The following YPEL2 variants were observed in gnomAD, a reference collection of about 807,000 sequenced individuals.
YPEL2 encodes the protein protein yippee-like 2.
A neutral mutation model predicts 19.1 loss-of-function variants in YPEL2; 2 were observed. The ratio of observed to expected loss-of-function variants is 0.10; its 90% CI spans 0.04 to 0.33. YPEL2 has a LOEUF of 0.33. Among genes scored for constraint, YPEL2 ranks in the 10% least tolerant of loss-of-function variants. YPEL2 has a pLI of 1.00. For missense variants in YPEL2, 66 were observed against 140.7 expected (o/e 0.47, Z 2.68); for synonymous variants, 52 against 50.0 (o/e 1.04, Z -0.17).
At chr17:59,332,207 T>A (rs958798143) in intron 1 of YPEL2, among the ~76,000 whole-genome samples, 1 of 151,958 alleles carries the variant, frequency 6.6e-6, no homozygotes, top group Admixed American at 6.5e-5. Flanking sequence ...GGGTTCGGAC[T>A]CCATGGGGTC....
At chr17:59,368,077 A>G (rs1464988941) in intron 2 of YPEL2, among the ~76,000 whole-genome samples, 1 of 152,106 alleles carries the variant, frequency 6.6e-6, no homozygotes, top group Non-Finnish European at 1.5e-5. Flanking sequence ...AAATACAGAA[A>G]TGGATGAAAT....
chr17:59,391,617 G>T (rs777066223), intron 4 of YPEL2, among the ~76,000 whole-genome samples: 8 of 152,020 alleles, frequency 5.3e-5, no homozygotes, highest in African/African-American at 1.2e-4. Flanking sequence ...CAAAAATGGG[G>T]CCAGGCGTAA....
chr17:59,401,479 A>G lies in YPEL2; in HGVS notation c.*4289A>G, dbSNP rs777543941. The G allele has an allele frequency of 4.6e-5, 7 of 152,714 alleles. No homozygotes were observed. Among genetic ancestry groups the G allele is most frequent in the African/African-American group, 7.2e-5 (3 of 41,556 alleles). The allele number at this position is 152,714 out of a possible 1,614,324, so 9.5% of individuals were successfully genotyped here. ...CCCAACCTGCAGAGACTATCTTCCAATACAGAATCTGTCTATTTATGCTTG... is the reference window on the plus strand; with the variant it reads ...CCCAACCTGCAGAGACTATCTTCCAGTACAGAATCTGTCTATTTATGCTTG... On this transcript the variant is annotated 3_prime_UTR_variant, in exon 5 of 5. Coordinates refer to ENST00000312655, the MANE Select transcript of YPEL2 (RefSeq NM_001005404.4).
chr17:59,341,938 A>T (rs1459924782), intron 1 of YPEL2, among the ~76,000 whole-genome samples: 1 of 152,090 alleles, frequency 6.6e-6, no homozygotes, highest in African/African-American at 2.4e-5. Flanking sequence ...GAACAAAATA[A>T]CTTCCAACTT....
chr17:59,365,413 T>A (rs994094799), intron 2 of YPEL2, among the ~76,000 whole-genome samples: 1 of 152,126 alleles, frequency 6.6e-6, no homozygotes, highest in Non-Finnish European at 1.5e-5. Context: ...CCTGCCTCCT[T>A]CCCTTTTAGT....
chr17:59,338,314 C>A (rs915950223), intron 1 of YPEL2, among the ~76,000 whole-genome samples: 2 of 152,148 alleles, frequency 1.3e-5, no homozygotes, highest in African/African-American at 4.8e-5. Flanking sequence ...GAATGGTGAC[C>A]AAGTTCAGTT....
chr17:59,395,922 CA>C (rs1338543062), intron 4 of YPEL2, among the ~76,000 whole-genome samples: 8 of 151,796 alleles, frequency 5.3e-5, no homozygotes, highest in Admixed American at 3.3e-4. Context: ...ACTGAAAATA[CA>C]AAAAAAATTT....
At chr17:59,387,301 G>T (rs1430624783) in intron 2 of YPEL2, among the ~76,000 whole-genome samples, 2 of 151,246 alleles carry the variant, frequency 1.3e-5, no homozygotes, top group Non-Finnish European at 2.9e-5. Flanking sequence ...TTTCACACTG[G>T]CTGGCAGCAC....
At chr17:59,342,760 T>C (rs1191529147) in intron 1 of YPEL2, among the ~76,000 whole-genome samples, 4 of 152,242 alleles carry the variant, frequency 2.6e-5, no homozygotes, top group African/African-American at 9.6e-5. Flanking sequence ...GGTTGAGGGA[T>C]CCCTTGCCTT....
At chr17:59,380,619 T>G (rs1316357361) in intron 2 of YPEL2, among the ~76,000 whole-genome samples, 3 of 152,226 alleles carry the variant, frequency 2.0e-5, no homozygotes, top group African/African-American at 4.8e-5. Context: ...TATTTTATTA[T>G]GCCTGTTTTA....
chr17:59,401,497 T>C lies in YPEL2; in HGVS notation c.*4307T>C, dbSNP rs2048071035. The C allele has an allele frequency of 6.6e-6, 1 of 152,644 alleles. No homozygotes were observed. The highest frequency in any genetic ancestry group is 1.5e-5 in the Non-Finnish European group (1 of 68,038). 9.5% of individuals were successfully genotyped at this position (152,644 alleles called of 1,614,324 possible). A position where few individuals can be genotyped will look rare whatever the true frequency, so the allele number is the denominator to read the frequency against. On this transcript the variant is annotated 3_prime_UTR_variant, in exon 5 of 5. Transcript: ENST00000312655. ...TCTTCCAATACAGAATCTGTCTATT[T>C]ATGCTTGTGTTTACAAACTGTATTT...
chr17:59,385,697 T>G (rs895019262), intron 2 of YPEL2, among the ~76,000 whole-genome samples: 1 of 152,098 alleles, frequency 6.6e-6, no homozygotes, highest in Non-Finnish European at 1.5e-5. Flanking sequence ...GATGTTTGGG[T>G]GTCATGGGTA....
chr17:59,383,396 AG>A (rs1320243208), intron 2 of YPEL2, among the ~76,000 whole-genome samples: 1 of 150,440 alleles, frequency 6.6e-6, no homozygotes, highest in Non-Finnish European at 1.5e-5. Context: ...CAGGAGATTG[AG>A]ACCATCCTGG....
intron 2 of YPEL2, among the ~76,000 whole-genome samples, chr17:59,374,237 A>T (rs2047909833): frequency 6.6e-6 from 1 of 152,204 alleles, no homozygotes; most frequent in Non-Finnish European, 1.5e-5. Context: ...TAGAGGGAAT[A>T]CCAAGAAGCA....
rs554106140 is a variant in YPEL2, at chr17:59,374,037, G to A, written c.118-14290G>A. ...AGGCATCTATTCTCTTGAGAATATG[G>A]ACTCACAGAATGTTCACCCTTGTAA... On this transcript the variant is annotated intron_variant, in intron 2 of 4. Coordinates refer to ENST00000312655, the MANE Select transcript of YPEL2 (RefSeq NM_001005404.4). 2.0e-5 allele frequency among the ~76,000 whole-genome samples: 3 copies of A among 152,256 alleles called. No individual in the cohort carries two copies. In the East Asian group the frequency reaches 5.8e-4, roughly 29 times the overall value.
In YPEL2 at chr17:59,393,778, C is replaced by T. The variant is rs1360460071; in HGVS notation, c.271-3323C>T. ...AGCACATCTTGCACCGCCCTTAATCCATTTAACCCTGAGTGGACACAGCAC... is the reference window on the plus strand; with the variant it reads ...AGCACATCTTGCACCGCCCTTAATCTATTTAACCCTGAGTGGACACAGCAC... On this transcript the variant is annotated intron_variant, in intron 4 of 4. Transcript: ENST00000312655. Among the ~76,000 whole-genome samples the T allele has an allele frequency of 3.3e-5, 5 of 149,906 alleles. 1 individual carries two copies. The highest frequency in any genetic ancestry group is 1.2e-4 in the African/African-American group (5 of 40,554).
intron 1 of YPEL2, 117 bp downstream of exon 1, chr17:59,331,941 G>C (rs1434253685): frequency 1.3e-5 from 2 of 151,484 alleles, no homozygotes; most frequent in Admixed American, 1.3e-4. Flanking sequence ...GCCTGCGCGG[G>C]GTTGGGGGTG....
chr17:59,348,626 G>C (rs1461297030), intron 1 of YPEL2, among the ~76,000 whole-genome samples: 1 of 152,188 alleles, frequency 6.6e-6, no homozygotes, highest in Admixed American at 6.5e-5. Context: ...AAGCTAGCTA[G>C]GGGTGGCGGC....
In YPEL2 at chr17:59,398,789, TA is replaced by T. The variant is rs948441765; in HGVS notation, c.*1603del. 7 of 152,146 alleles carry T rather than the reference TA, an allele frequency of 4.6e-5. No homozygotes were observed. The highest frequency in any genetic ancestry group is 8.8e-5 in the Non-Finnish European group (6 of 68,040). 9.4% of individuals were successfully genotyped at this position (152,146 alleles called of 1,614,324 possible). A position where few individuals can be genotyped will look rare whatever the true frequency, so the allele number is the denominator to read the frequency against. On this transcript the variant is annotated 3_prime_UTR_variant, in exon 5 of 5. Transcript: ENST00000312655. ...GCCGACCTTCTCGGAAAATTCACCC[TA>T]AAAGTCTCACAAAAGAATGAGTTCA...
Sources: gnomAD v4.1 joint callset for allele counts (sites outside exome capture counted in the v4.1 genomes callset) on GRCh38, gnomAD v4.1.1 for gene constraint, MANE v1.5 for transcripts, NCBI Gene and HGNC (gene_info 2026-07-23, HGNC 2026-07-21) for gene names.